The following FMR1 variants were observed in gnomAD, a reference collection of about 807,000 sequenced individuals.
FMR1 encodes fragile X messenger ribonucleoprotein 1.
In FMR1, 13 loss-of-function variants were observed where a neutral mutation model predicts 50.6. The ratio of observed to expected loss-of-function variants is 0.26; its 90% CI spans 0.17 to 0.41. The LOEUF (loss-of-function observed/expected upper bound fraction) is 0.41, where lower values mean the gene tolerates loss of function less well. Among genes scored for constraint, FMR1 ranks in the 10% least tolerant of loss-of-function variants. FMR1 has a pLI of 1.00. For synonymous variants in FMR1, 138 were observed against 164.1 expected, an observed-to-expected ratio of 0.84 and a Z score of 1.22; for missense variants, 316 against 491.3, an observed-to-expected ratio of 0.64 and a Z score of 3.37.
chrX:147,940,373 C>T (rs782076400), intron 12 of FMR1: 1 of 410,267 alleles, frequency 2.4e-6, no homozygotes, highest in East Asian at 4.2e-5. Context: ...TAAAAGGTTG[C>T]TATTGATCTA....
chrX:147,928,095 AC>A (rs2043453229), intron 3 of FMR1: 1 of 351,082 alleles, frequency 2.8e-6, no homozygotes. Context: ...ATATAGGAAA[AC>A]TGATTTTTAC....
intron 14 of FMR1, chrX:147,944,291 G>T (rs2044101737): frequency 1.3e-6 from 1 of 750,798 alleles, no homozygotes; most frequent in Non-Finnish European, 1.6e-6. Flanking sequence ...TTATTGTAAT[G>T]GGAGTGGGAG....
chrX:147,925,973 T>C (rs2043371890), intron 3 of FMR1, among the ~76,000 whole-genome samples: 1 of 112,302 alleles, frequency 8.9e-6, no homozygotes, highest in Non-Finnish European at 1.9e-5. Flanking sequence ...CAAAATGGAT[T>C]ATGAAAATTA....
chrX:147,932,866 T>G (rs2124522115), intron 9 of FMR1, 103 bp downstream of exon 9: 12 of 545,826 alleles, frequency 2.2e-5, no homozygotes, highest in Middle Eastern at 5.5e-4. Context: ...GAGGGTATCA[T>G]TTAATTGAAA....
intron 9 of FMR1, 94 bp from the exon 10 acceptor site, chrX:147,936,406 ATATC>A (rs2043791649): frequency 1.8e-6 from 1 of 553,215 alleles, no homozygotes; most frequent in South Asian, 2.7e-5. Flanking sequence ...ACACATAAAA[ATATC>A]TATCTATATG....
Position 147,940,586 on chromosome X carries a change from C to G in FMR1, c.1199C>G (p.Pro400Arg). 3 of 1,187,648 alleles carry G rather than the reference C, an allele frequency of 2.5e-6. No homozygotes were observed. The highest frequency in any genetic ancestry group is 3.4e-6 in the Non-Finnish European group (3 of 873,776). Residue 400 changes from proline (P) to arginine (R), a missense_variant, in exon 13 of 17, where the codon CCA becomes CGA. Physicochemically the swap from Pro to Arg is moderately radical, Grantham distance 103. Around this residue, in one of 4 missense-constraint regions of FMR1, gnomAD observed 15 missense variants for 40.9 expected, o/e 0.37. Transcript: ENST00000370475. ...CAATTTCTTTTTCAGGGTATGGTACCATTTGTTTTTGTGGGAACAAAGGAC... is the reference window on the plus strand; with the variant it reads ...CAATTTCTTTTTCAGGGTATGGTACGATTTGTTTTTGTGGGAACAAAGGAC... ...PELKAWQGMV[P>R]FVFVGTKDSI...
At chrX:147,937,392 T>C in intron 10 of FMR1, 74 bp from the exon 11 acceptor site, 1 of 641,363 alleles carries the variant, frequency 1.6e-6, no homozygotes, top group Non-Finnish European at 2.6e-6. Context: ...TGATGATTGA[T>C]AACACTAATA....
chrX:147,943,427 A>T, intron 14 of FMR1, 101 bp downstream of exon 14: 1 of 771,075 alleles, frequency 1.3e-6, no homozygotes, highest in Non-Finnish European at 2.0e-6. Flanking sequence ...ATTTGCCGCT[A>T]CATGGTTTCC....
rs2043795558 is a variant in FMR1, at chrX:147,936,486, GATTT to G, written c.881-9_881-6del. ...GGTATGTGTTTTTAAAACCAAACTT[GATTT>G]ATTTATTTCTTAGGCAAAGTAATAG... On this transcript the variant is annotated splice_polypyrimidine_tract_variant and intron_variant, in intron 9 of 16. Transcript: ENST00000370475. 1 of 1,084,309 alleles carries G rather than the reference GATTT, an allele frequency of 9.2e-7. No individual in the cohort carries two copies. Among genetic ancestry groups the G allele is most frequent in the Non-Finnish European group, 1.3e-6 (1 of 779,808 alleles). The allele number at this position is 1,084,309 out of a possible 1,213,427, so 89.4% of individuals were successfully genotyped here. A position where few individuals can be genotyped will look rare whatever the true frequency, so the allele number is the denominator to read the frequency against.
chrX:147,942,080 T>A (rs1242276117), intron 13 of FMR1, among the ~76,000 whole-genome samples: 8 of 112,766 alleles, frequency 7.1e-5, no homozygotes, highest in African/African-American at 2.6e-4. Flanking sequence ...GATTCTGGTG[T>A]AACTATGTAA....
At chrX:147,915,213 T>G (rs782055597) in intron 1 of FMR1, among the ~76,000 whole-genome samples, 1 of 112,096 alleles carries the variant, frequency 8.9e-6, no homozygotes, top group Non-Finnish European at 1.9e-5. Flanking sequence ...AGCAGCTAAA[T>G]ATGATAAAGT....
intron 1 of FMR1, among the ~76,000 whole-genome samples, chrX:147,916,595 T>A (rs2042878330): frequency 9.0e-6 from 1 of 111,657 alleles, no homozygotes; most frequent in Non-Finnish European, 1.9e-5. Flanking sequence ...TCTTTTCCTT[T>A]CTTTCCTTTC....
In FMR1 at chrX:147,929,926, AT is replaced by A. The variant is rs782218323; in HGVS notation, c.420-11del. 4,197 of 899,150 alleles carry A rather than the reference AT, an allele frequency of 4.7e-3. No individual in the cohort carries two copies. The highest frequency in any genetic ancestry group is 5.6e-3 in the Non-Finnish European group (3,641 of 645,603). 74.1% of individuals were successfully genotyped at this position (899,150 alleles called of 1,213,427 possible). A position where few individuals can be genotyped will look rare whatever the true frequency, so the allele number is the denominator to read the frequency against. On this transcript the variant is annotated intron_variant, in intron 5 of 16. Coordinates refer to ENST00000370475, the MANE Select transcript of FMR1 (RefSeq NM_002024.6). ...CAGTAGTTGGTAATTATTCATCTTA[AT>A]TTTTTTTTTTAAATTTCTAGGTGTG... is the stretch of plus-strand genomic sequence containing the variant.
chrX:147,950,904 C>CT lies in FMR1; in HGVS notation c.*2062dup. 3.4e-6 allele frequency: 1 copy of CT among 295,082 alleles called. No individual in the cohort carries two copies. The highest frequency in any genetic ancestry group is 3.1e-5 in the South Asian group (1 of 32,080). 24.3% of individuals were successfully genotyped at this position (295,082 alleles called of 1,213,427 possible). A position where few individuals can be genotyped will look rare whatever the true frequency, so the allele number is the denominator to read the frequency against. ...CTGTATTCAGCAAGGCGCTAACTTG[C>CT]TTAAATGTGAATTACTAACTTCTAA... On this transcript the variant is annotated 3_prime_UTR_variant, in exon 17 of 17. Coordinates refer to ENST00000370475, the MANE Select transcript of FMR1 (RefSeq NM_002024.6).
At position 147,945,584 on chromosome X, in the gene FMR1, G is replaced by A. The variant is rs781805235; in HGVS notation, c.1705G>A (p.Ala569Thr). The A allele has an allele frequency of 3.3e-6, 4 of 1,208,304 alleles. No individual in the cohort carries two copies. Among genetic ancestry groups the A allele is most frequent in the Admixed American group, 2.2e-5 (1 of 46,104 alleles). Residue 569 changes from alanine (A) to threonine (T), a missense_variant, in exon 16 of 17, where the codon GCT becomes ACT. Physicochemically the swap from Ala to Thr is moderately conservative, Grantham distance 58 (BLOSUM62 0). Around this residue, in one of 4 missense-constraint regions of FMR1, gnomAD observed 124 missense variants for 160.8 expected, o/e 0.77. Transcript: ENST00000370475. The part of the protein sequence containing the change: ...TDNRPRNPRE[A>T]KGRTTDGSLQ... ...TAATCGTCCACGTAATCCAAGAGAG[G>A]CTAAAGGAAGAACAACAGATGGATC...
Position 147,949,565 on chromosome X carries a change from A to G in FMR1, c.*721A>G, listed in dbSNP as rs1557183002. On this transcript the variant is annotated 3_prime_UTR_variant, in exon 17 of 17. Coordinates refer to ENST00000370475, the MANE Select transcript of FMR1 (RefSeq NM_002024.6). ...TTACATAAACATCAGGTTAGGCAGTATAAAGAATAGGACTTGTTTTTGTTT... is the reference window on the plus strand; with the variant it reads ...TTACATAAACATCAGGTTAGGCAGTGTAAAGAATAGGACTTGTTTTTGTTT... 3.0e-6 allele frequency: 1 copy of G among 329,688 alleles called. No homozygotes were observed. The highest frequency in any genetic ancestry group is 2.6e-5 in the African/African-American group (1 of 38,258). The allele number at this position is 329,688 out of a possible 1,213,427, so 27.2% of individuals were successfully genotyped here.
At position 147,945,490 on chromosome X, in the gene FMR1, T is replaced by G. The variant is rs1557181770; in HGVS notation, c.1655-44T>G. ...GGAATAAAGAACTTCCAGTAAGCAT[T>G]TCAGAATCAGTAACTGTTGAACCTT... On this transcript the variant is annotated intron_variant, in intron 15 of 16. Coordinates refer to ENST00000370475, the MANE Select transcript of FMR1 (RefSeq NM_002024.6). 3.8e-6 allele frequency: 4 copies of G among 1,050,195 alleles called. No homozygotes were observed. The South Asian group carries it at 7.6e-5, about 20-fold the overall frequency. 86.5% of individuals were successfully genotyped at this position (1,050,195 alleles called of 1,213,427 possible). A position where few individuals can be genotyped will look rare whatever the true frequency, so the allele number is the denominator to read the frequency against.
chrX:147,924,583 C>T (rs2043320148), intron 2 of FMR1, among the ~76,000 whole-genome samples: 1 of 104,666 alleles, frequency 9.6e-6, no homozygotes. Context: ...ATGATCATGG[C>T]TCACTGTAAC....
chrX:147,946,228 A>G (rs1341442105), intron 16 of FMR1, among the ~76,000 whole-genome samples: 1 of 112,326 alleles, frequency 8.9e-6, no homozygotes, highest in East Asian at 2.8e-4. Flanking sequence ...CAGAGAAGGA[A>G]CATCCTGGGA....
Sources: gnomAD v4.1 joint callset for allele counts (sites outside exome capture counted in the v4.1 genomes callset) on GRCh38, gnomAD v4.1.1 for gene constraint, gnomAD v4.1.1 regional missense constraint, MANE v1.5 for transcripts, NCBI Gene and HGNC (gene_info 2026-07-23, HGNC 2026-07-21) for gene names.